The following TMEM132D variants were observed in gnomAD, a reference collection of about 807,000 sequenced individuals.
TMEM132D encodes transmembrane protein 132D.
A neutral mutation model predicts 62.3 loss-of-function variants in TMEM132D; 21 were observed. The ratio of observed to expected loss-of-function variants is 0.34; its 90% CI spans 0.24 to 0.49. The LOEUF (loss-of-function observed/expected upper bound fraction) is 0.49. Ranked by LOEUF, TMEM132D falls within the 20% of genes least tolerant of loss-of-function variation. The pLI is 0.99. For synonymous variants in TMEM132D, 621 were observed against 575.6 expected, an observed-to-expected ratio of 1.08 and a Z score of -1.13; for missense variants, 1,346 against 1,402.8, an observed-to-expected ratio of 0.96 and a Z score of 0.65.
intron 4 of TMEM132D, among the ~76,000 whole-genome samples, chr12:129,247,989 T>A (rs11832176): frequency 0.038 from 5,778 of 152,234 alleles, 339 homozygotes; most frequent in African/African-American, 0.13. Context: ...GTTGCAATGA[T>A]TGAATATTTG....
intron 4 of TMEM132D, among the ~76,000 whole-genome samples, chr12:129,321,999 T>A (rs1868734329): frequency 6.6e-6 from 1 of 152,078 alleles, no homozygotes; most frequent in African/African-American, 2.4e-5. Context: ...TAAATCCTGG[T>A]GGTGTAAAAG....
At chr12:129,196,297 T>A (rs1878550701) in intron 5 of TMEM132D, among the ~76,000 whole-genome samples, 1 of 152,190 alleles carries the variant, frequency 6.6e-6, no homozygotes, top group Non-Finnish European at 1.5e-5. Context: ...TGTGGTTTTA[T>A]CTCTAGAAAG....
intron 1 of TMEM132D, among the ~76,000 whole-genome samples, chr12:129,710,790 G>A (rs1025854390): frequency 6.6e-6 from 1 of 152,078 alleles, no homozygotes; most frequent in African/African-American, 2.4e-5. Flanking sequence ...CTCAGGCTTC[G>A]CACCTTGGTA....
intron 4 of TMEM132D, among the ~76,000 whole-genome samples, chr12:129,251,084 G>A (rs761676016): frequency 1.4e-4 from 21 of 152,080 alleles, no homozygotes; most frequent in Non-Finnish European, 1.9e-4. Context: ...AAAGCTGGGC[G>A]CCGTGGCTCA....
At chr12:129,883,987 A>G (rs537542403) in intron 1 of TMEM132D, among the ~76,000 whole-genome samples, 1 of 152,330 alleles carries the variant, frequency 6.6e-6, no homozygotes, top group East Asian at 1.9e-4. Context: ...GCAGGAGCAC[A>G]GTGGCTCAAT....
chr12:129,224,600 C>T (rs1415841551), intron 4 of TMEM132D, among the ~76,000 whole-genome samples: 2 of 152,088 alleles, frequency 1.3e-5, no homozygotes, highest in Non-Finnish European at 2.9e-5. Context: ...ACTAGTGGAG[C>T]TTGCTATTAA....
At chr12:129,305,342 G>C (rs67722874) in intron 4 of TMEM132D, among the ~76,000 whole-genome samples, 9,754 of 152,184 alleles carry the variant, frequency 0.064, 600 homozygotes, top group East Asian at 0.25. Flanking sequence ...ATACACATCT[G>C]ATATTTAGGA....
chr12:129,236,586 G>T lies in TMEM132D; in HGVS notation c.1300-26923C>A, dbSNP rs191529140. ...CTTTTGTATGTTAATTTTGTATTTTGCAACATTACTAAATTTGTTTATTAG... is the reference window on the plus strand; with the variant it reads ...CTTTTGTATGTTAATTTTGTATTTTTCAACATTACTAAATTTGTTTATTAG... On this transcript the variant is annotated intron_variant, in intron 4 of 8. Transcript: ENST00000422113. Among the ~76,000 whole-genome samples the T allele has an allele frequency of 2.7e-5, 4 of 148,846 alleles. No individual in the cohort carries two copies. In the East Asian group the frequency reaches 7.8e-4, roughly 29 times the overall value.
chr12:129,878,335 A>C (rs2137383521), intron 1 of TMEM132D, among the ~76,000 whole-genome samples: 1 of 152,286 alleles, frequency 6.6e-6, no homozygotes, highest in South Asian at 2.1e-4. Context: ...GCTTTGCTTA[A>C]TGAAGGAGTT....
chr12:129,565,600 T>C (rs1877347720), intron 2 of TMEM132D, among the ~76,000 whole-genome samples: 1 of 152,152 alleles, frequency 6.6e-6, no homozygotes, highest in South Asian at 2.1e-4. Flanking sequence ...ATTCAATGGG[T>C]TGGGTGGCTG....
chr12:129,326,619 A>T (rs982402560), intron 4 of TMEM132D, among the ~76,000 whole-genome samples: 4 of 152,192 alleles, frequency 2.6e-5, no homozygotes, highest in Non-Finnish European at 4.4e-5. Context: ...CGTTGCACAG[A>T]GACCATGTGG....
At chr12:129,135,770 G>T (rs992467866) in intron 5 of TMEM132D, among the ~76,000 whole-genome samples, 2 of 152,072 alleles carry the variant, frequency 1.3e-5, no homozygotes, top group Admixed American at 1.3e-4. Context: ...TTCTGTCTTC[G>T]GGTGGTTTGC....
At chr12:129,137,670 G>C (rs1031913688) in intron 5 of TMEM132D, among the ~76,000 whole-genome samples, 1 of 152,148 alleles carries the variant, frequency 6.6e-6, no homozygotes, top group Non-Finnish European at 1.5e-5. Flanking sequence ...TAGCTTTTCT[G>C]ATTTATTCTT....
intron 4 of TMEM132D, among the ~76,000 whole-genome samples, chr12:129,224,289 T>C (rs141228187): frequency 6.6e-6 from 1 of 152,306 alleles, no homozygotes; most frequent in African/African-American, 2.4e-5. Flanking sequence ...CCGGGGATCC[T>C]CCCATCAGAA....
intron 1 of TMEM132D, among the ~76,000 whole-genome samples, chr12:129,796,372 CTGT>C (rs894856295): frequency 6.6e-6 from 1 of 152,110 alleles, no homozygotes; most frequent in African/African-American, 2.4e-5. Flanking sequence ...TTTACTGCTT[CTGT>C]TGTTTTCATT....
intron 1 of TMEM132D, among the ~76,000 whole-genome samples, chr12:129,800,949 G>A (rs548839211): frequency 1.1e-4 from 16 of 152,306 alleles, no homozygotes; most frequent in African/African-American, 2.2e-4. Flanking sequence ...AAAGAAAGGG[G>A]TGACAGACGG....
intron 2 of TMEM132D, among the ~76,000 whole-genome samples, chr12:129,679,207 T>C (rs1880719054): frequency 6.6e-6 from 1 of 152,054 alleles, no homozygotes; most frequent in South Asian, 2.1e-4. Context: ...TTTTGTGTCA[T>C]TATGCATTTC....
rs1280855048 is a variant in TMEM132D, at chr12:129,074,432, C to G, written c.2743G>C (p.Asp915His). Residue 915 changes from aspartate to histidine, a missense_variant, in exon 9 of 9, where the codon GAC (aspartate) becomes CAC (histidine). By Grantham distance (81) the Asp-to-His change is moderately conservative. Transcript: ENST00000422113. ...DLMQASKGLS[D>H]LEIGMYALLG... ...AAAGCATACATCCCAATTTCTAAGT[C>G]GCTCAGCCCTTTGGATGCCTGCATA... The G allele has an allele frequency of 6.2e-7, 1 of 1,614,104 alleles. No homozygotes were observed. The highest frequency in any genetic ancestry group is 1.1e-5 in the South Asian group (1 of 91,056).
chr12:129,283,872 T>C (rs973971823), intron 4 of TMEM132D, among the ~76,000 whole-genome samples: 1 of 152,238 alleles, frequency 6.6e-6, no homozygotes, highest in East Asian at 1.9e-4. Flanking sequence ...ACATGCACAC[T>C]GTGGGGGAGG....
Sources: allele counts gnomAD v4.1 joint callset (sites outside exome capture counted in the v4.1 genomes callset), GRCh38; gene constraint gnomAD v4.1.1; transcripts MANE v1.5; gene names NCBI Gene and HGNC (gene_info 2026-07-23, HGNC 2026-07-21).